The following EP400 variants were observed in gnomAD, a reference collection of about 807,000 sequenced individuals.
EP400 encodes the protein E1A binding protein p400, also known as E1A-binding protein p400.
Under a neutral mutation model 354.1 loss-of-function variants are expected in EP400, and 105 were observed. The ratio of observed to expected loss-of-function variants is 0.30; its 90% CI spans 0.25 to 0.35. EP400 has a LOEUF of 0.35. Among genes scored for constraint, EP400 ranks in the 10% least tolerant of loss-of-function variants. The pLI is 1.00. For synonymous variants in EP400, 1,646 were observed against 1,716.9 expected (o/e 0.96, Z 1.02); for missense variants, 3,280 against 4,121.0 (o/e 0.80, Z 5.59).
chr12:132,063,626 G>C (rs1302884489), intron 47 of EP400, among the ~76,000 whole-genome samples: 3 of 152,236 alleles, frequency 2.0e-5, no homozygotes, highest in Non-Finnish European at 4.4e-5. Flanking sequence ...TCAGCTCACT[G>C]TTGGGCCTGC....
In EP400 at chr12:132,053,308, C is replaced by T. The variant is rs550961593; in HGVS notation, c.7474-35C>T. The T allele has an allele frequency of 5.0e-6, 8 of 1,598,956 alleles. No homozygotes were observed. The Admixed American group carries it at 1.0e-4, about 20-fold the overall frequency. ...AGGGGGTATGCAGGCCGAGTCTGCCCCTCCAGTGGCTCCTCTTCCTTCCTG... is the reference window on the plus strand; with the variant it reads ...AGGGGGTATGCAGGCCGAGTCTGCCTCTCCAGTGGCTCCTCTTCCTTCCTG... On this transcript the variant is annotated intron_variant, in intron 42 of 52. Coordinates refer to ENST00000389561, the MANE Select transcript of EP400 (RefSeq NM_015409.5).
chr12:132,030,993 T>C (rs1408273711), intron 29 of EP400, among the ~76,000 whole-genome samples: 1 of 152,220 alleles, frequency 6.6e-6, no homozygotes, highest in Non-Finnish European at 1.5e-5. Flanking sequence ...CACACGCTCA[T>C]GTACACGCTG....
chr12:132,008,552 T>TA (rs1006422356), intron 15 of EP400, among the ~76,000 whole-genome samples: 16 of 152,266 alleles, frequency 1.1e-4, no homozygotes, highest in Middle Eastern at 3.4e-3. Flanking sequence ...TGTTCACTGT[T>TA]ACAATAGTAA....
At position 132,067,327 on chromosome 12, in the gene EP400, C is replaced by T. The variant is rs1369188496; in HGVS notation, c.8750-35C>T. The T allele has an allele frequency of 4.4e-6, 7 of 1,601,096 alleles. No homozygotes were observed. The highest frequency in any genetic ancestry group is 6.0e-6 in the Non-Finnish European group (7 of 1,172,124). ...TGGCGTGAGCCTCAAGCTCTTTTCC[C>T]AGTGTGCTGACTAAGGGGCTTTTGC... On this transcript the variant is annotated intron_variant, in intron 49 of 52. Transcript: ENST00000389561. This position sits in a 1 kb window ranked among gnomAD's most constrained non-coding sequence, Gnocchi z 5.3.
At chr12:132,023,979 G>A (rs1894211969) in intron 24 of EP400, 38 bp downstream of exon 24, 2 of 1,518,286 alleles carry the variant, frequency 1.3e-6, no homozygotes, top group Non-Finnish European at 1.8e-6. Flanking sequence ...TGCCAAAAAT[G>A]ACAAAAGCGC....
At chr12:132,043,870 G>C in intron 34 of EP400, 142 bp downstream of exon 34, 7 of 854,282 alleles carry the variant, frequency 8.2e-6, no homozygotes, top group Non-Finnish European at 1.3e-5. Flanking sequence ...AAAATGAAGA[G>C]AGTCTCGAGA....
chr12:131,979,078 G>A (rs1460171716), intron 2 of EP400, among the ~76,000 whole-genome samples: 4 of 151,966 alleles, frequency 2.6e-5, no homozygotes, highest in African/African-American at 7.3e-5. Context: ...CTAGCCAGGC[G>A]TGGTGGCAGG....
Position 132,011,508 on chromosome 12 carries a change from C to A in EP400, c.3315C>A (p.Gly1105=), listed in dbSNP as rs1893764353. 6.2e-7 allele frequency: 1 copy of A among 1,612,372 alleles called. No homozygotes were observed. The highest frequency in any genetic ancestry group is 1.1e-5 in the South Asian group (1 of 90,544). ...AHLACNEGNW[G]PHLVVVRSCN... is the part of the protein sequence containing the mutation. ...TTTTTTGCTTTGTAGGTAATTGGGG[C>A]CCCCATCTTGTTGTTGTGAGAAGTT... Residue 1105 remains glycine (G), a synonymous_variant, in exon 16 of 53, where the codon GGC becomes GGA. Transcript: ENST00000389561.
intron 30 of EP400, among the ~76,000 whole-genome samples, chr12:132,034,668 T>C (rs1467569652): frequency 6.6e-6 from 1 of 152,240 alleles, no homozygotes; most frequent in East Asian, 1.9e-4. Context: ...TTACAAAGGT[T>C]GGCTGTCGCA....
Position 131,987,750 on chromosome 12 carries a change from C to T in EP400, c.2269C>T (p.Leu757=), listed in dbSNP as rs1380538727. The change falls in exon 7 of 53, where the codon CTG becomes TTG. Residue 757 remains leucine, a synonymous_variant. Coordinates refer to ENST00000389561, the MANE Select transcript of EP400 (RefSeq NM_015409.5). ...CATTGCGGAGCTGAGGAAAGCAGGT[C>T]TGTGGTCCCAGAGGCGTCTGCCAAA... ...QRIAELRKAG[L]WSQRRLPKLQ... 4 of 1,611,400 alleles carry T rather than the reference C, an allele frequency of 2.5e-6. No homozygotes were observed. The highest frequency in any genetic ancestry group is 2.5e-6 in the Non-Finnish European group (3 of 1,179,492).
Position 132,018,522 on chromosome 12 carries a change from T to A in EP400, c.4277+146T>A. 4 of 1,202,606 alleles carry A rather than the reference T, an allele frequency of 3.3e-6. No individual in the cohort carries two copies. In the South Asian group the frequency reaches 6.7e-5, roughly 20 times the overall value. 74.5% of individuals were successfully genotyped at this position (1,202,606 alleles called of 1,614,324 possible). On this transcript the variant is annotated intron_variant, in intron 21 of 52. Transcript: ENST00000389561. This position sits in a 1 kb window ranked among gnomAD's most constrained non-coding sequence, Gnocchi z 4.0. ...ACCTTGCTGGTGTCCTTGGCTGTGG[T>A]ATGCCTGGCTCTGCAGATGCCTTTT... is the stretch of plus-strand genomic sequence containing the variant.
chr12:131,986,507 C>G lies in EP400; in HGVS notation c.1930-7C>G. ...CACCTTGCTCCACTTGTGCCCTGCC[C>G]TTACAGATGGTAGCATCGACAAGGC... is the stretch of plus-strand genomic sequence containing the variant. On this transcript the variant is annotated splice_polypyrimidine_tract_variant and splice_region_variant and intron_variant, in intron 5 of 52. Transcript: ENST00000389561. The G allele has an allele frequency of 1.3e-6, 2 of 1,591,222 alleles. No individual in the cohort carries two copies. Among genetic ancestry groups the G allele is most frequent in the Non-Finnish European group, 8.6e-7 (1 of 1,167,096 alleles).
rs1041542446 is a variant in EP400 at position 131,965,954 on chromosome 12, G to C, written c.1335+4000G>C. Reference sequence around the variant, plus strand: ...CATACAGTTTTTCATGTCAACATAGGTATTCATTTCATTTGGATAAATGCC... The same window carrying C: ...CATACAGTTTTTCATGTCAACATAGCTATTCATTTCATTTGGATAAATGCC... On this transcript the variant is annotated intron_variant, in intron 2 of 52. Coordinates refer to ENST00000389561, the MANE Select transcript of EP400 (RefSeq NM_015409.5). Among the ~76,000 whole-genome samples, 7 of 151,312 alleles carry C rather than the reference G, an allele frequency of 4.6e-5. No homozygotes were observed. The South Asian group carries it at 1.5e-3, about 31-fold the overall frequency.
intron 47 of EP400, 92 bp downstream of exon 47, chr12:132,062,793 C>G: frequency 6.6e-7 from 1 of 1,513,536 alleles, no homozygotes; most frequent in South Asian, 1.2e-5. Context: ...TGGTGCAGTC[C>G]AGAGTGTATT....
At chr12:131,971,004 G>A (rs1892270468) in intron 2 of EP400, among the ~76,000 whole-genome samples, 1 of 152,114 alleles carries the variant, frequency 6.6e-6, no homozygotes, top group Non-Finnish European at 1.5e-5. Flanking sequence ...GCGTATTCAA[G>A]ACCAGCCTGC....
chr12:131,986,873 CAAG>C (rs1294857230), intron 6 of EP400, 66 bp downstream of exon 6: 4 of 1,518,084 alleles, frequency 2.6e-6, no homozygotes, highest in African/African-American at 2.8e-5. Flanking sequence ...TTTTAATTGT[CAAG>C]AATGTGATGG....
At position 132,020,174 on chromosome 12, in the gene EP400, G is replaced by T. The variant is rs377608091; in HGVS notation, c.4403G>T (p.Gly1468Val). 6.2e-6 allele frequency: 10 copies of T among 1,610,552 alleles called. No homozygotes were observed. The highest frequency in any genetic ancestry group is 8.5e-6 in the Non-Finnish European group (10 of 1,178,700). ...ASAAPQGPLR[G>V]RPPIATFSAN... Reference sequence around the variant, plus strand: ...GCTGCTCCACAGGGCCCGCTTCGAGGACGGCCGCCCATCGCCACGTTCTCT... The same window carrying T: ...GCTGCTCCACAGGGCCCGCTTCGAGTACGGCCGCCCATCGCCACGTTCTCT... The change falls in exon 22 of 53, where the codon GGA (glycine) becomes GTA (valine). Residue 1468 changes from glycine (G) to valine (V), a missense_variant. Gly to Val is a moderately radical substitution (Grantham distance 109). Transcript: ENST00000389561.
chr12:132,004,015 CCT>C (rs1372112481), intron 12 of EP400, among the ~76,000 whole-genome samples: 1 of 151,240 alleles, frequency 6.6e-6, no homozygotes, highest in Non-Finnish European at 1.5e-5. Context: ...AGGGTTTTCC[CCT>C]GTTAGATCTA....
chr12:132,034,469 C>T (rs772725205), intron 30 of EP400, among the ~76,000 whole-genome samples: 1 of 152,170 alleles, frequency 6.6e-6, no homozygotes. Context: ...TCTATGCGTG[C>T]ACACACACGG....
Sources: gnomAD v4.1 joint callset for allele counts (sites outside exome capture counted in the v4.1 genomes callset) on GRCh38, gnomAD v4.1.1 for gene constraint, Gnocchi (gnomAD v3.1) non-coding constraint, MANE v1.5 for transcripts, NCBI Gene and HGNC (gene_info 2026-07-23, HGNC 2026-07-21) for gene names.